Variants in DNAH10 observed in about 807,000 individuals in gnomAD.
DNAH10 encodes the protein dynein axonemal heavy chain 10.
Under a neutral mutation model 506.6 loss-of-function variants are expected in DNAH10, and 348 were observed. The observed-to-expected ratio is 0.69, with a 90% CI of 0.63 to 0.75. The LOEUF is 0.75. Ranked by LOEUF, DNAH10 falls within the 30% of genes least tolerant of loss-of-function variation. The pLI, the probability that DNAH10 is intolerant of heterozygous loss-of-function variation, is 0.00. For synonymous variants in DNAH10, 2,059 were observed against 2,198.6 expected (o/e 0.94, Z 1.78); for missense variants, 5,179 against 5,787.1 (o/e 0.89, Z 3.41).
Position 123,914,917 on chromosome 12 carries a change from C to A in DNAH10, c.10640C>A (p.Ala3547Asp). Residue 3547 changes from alanine (A) to aspartate (D), a missense_variant, in exon 62 of 79, where the codon GCC (alanine) becomes GAC (aspartate). Transcript: ENST00000673944. ...CAGAATGGCATCCTCACCACCCGGG[C>A]CAGCCGCTTCCCTCTGTGTATCGAC... The part of the protein sequence containing the change: ...SVQNGILTTR[A>D]SRFPLCIDPQ... 1.2e-6 allele frequency: 2 copies of A among 1,613,290 alleles called. No individual in the cohort carries two copies. The highest frequency in any genetic ancestry group is 1.7e-6 in the Non-Finnish European group (2 of 1,179,648).
At chr12:123,872,456 G>A (rs1006615650) in intron 45 of DNAH10, among the ~76,000 whole-genome samples, 1 of 152,136 alleles carries the variant, frequency 6.6e-6, no homozygotes, top group African/African-American at 2.4e-5. Flanking sequence ...TCTGCAGCTG[G>A]TGCTCATCAG....
intron 55 of DNAH10, 148 bp downstream of exon 55, chr12:123,898,115 C>A: frequency 1.3e-6 from 1 of 752,148 alleles, no homozygotes; most frequent in Non-Finnish European, 2.0e-6. Context: ...TGGAGCGATT[C>A]TTTCATGTGG....
intron 32 of DNAH10, among the ~76,000 whole-genome samples, chr12:123,847,381 G>A (rs564512048): frequency 6.9e-6 from 1 of 144,752 alleles, no homozygotes; most frequent in Non-Finnish European, 1.6e-5. Flanking sequence ...TTTATTATGA[G>A]GTATTGACTC....
chr12:123,847,266 C>CTAT lies in DNAH10; in HGVS notation c.5815-695_5815-694insTAT, dbSNP rs71445275. Among the ~76,000 whole-genome samples, 362 of 129,744 alleles carry CTAT rather than the reference C, an allele frequency of 2.8e-3. 2 individuals carry two copies. The highest frequency in any genetic ancestry group is 9.0e-3 in the African/African-American group (212 of 23,676). 85.1% of individuals were successfully genotyped at this position (129,744 alleles called of 152,430 possible). ...TCTATCTATCTATCTATCTATCTAT[C>CTAT]CATCCATCCATCCTGTCTATTTATC... On this transcript the variant is annotated intron_variant, in intron 32 of 78. Transcript: ENST00000673944.
intron 3 of DNAH10, 101 bp downstream of exon 3, chr12:123,771,799 T>A: frequency 9.7e-7 from 1 of 1,032,402 alleles, no homozygotes. Flanking sequence ...GGATTTATCA[T>A]GTTGGAATGG....
chr12:123,817,876 A>T (rs1959173696), intron 21 of DNAH10, among the ~76,000 whole-genome samples: 1 of 152,038 alleles, frequency 6.6e-6, no homozygotes. Flanking sequence ...CTAATCAGAG[A>T]TTAAGTTGAT....
At chr12:123,901,926 G>T (rs994205900) in intron 56 of DNAH10, among the ~76,000 whole-genome samples, 1 of 152,164 alleles carries the variant, frequency 6.6e-6, no homozygotes, top group Non-Finnish European at 1.5e-5. Flanking sequence ...CTCCCAAAGT[G>T]CTGGGATTAC....
chr12:123,918,941 G>T lies in DNAH10; in HGVS notation c.11498G>T (p.Gly3833Val). The stretch of plus-strand genomic sequence containing the variant: ...CTGACCTTCAGCATCTATAACCACG[G>T]CTGCACAGGTGAGCTCTCCCCACAG... ...DTLTFSIYNH[G>V]CTGLFERHKL... is the part of the protein sequence containing the mutation. Residue 3833 changes from glycine to valine, a missense_variant, in exon 65 of 79, where the codon GGC (glycine) becomes GTC (valine). Gly to Val is a moderately radical substitution (Grantham distance 109). This residue lies in a region of DNAH10 where 4,844 missense variants were observed against 5,430.5 expected (regional missense o/e 0.89). Transcript: ENST00000673944. 1 of 1,610,352 alleles carries T rather than the reference G, an allele frequency of 6.2e-7. No homozygotes were observed.
chr12:123,908,095 C>T (rs1426327137), intron 57 of DNAH10, among the ~76,000 whole-genome samples: 2 of 126,098 alleles, frequency 1.6e-5, no homozygotes, highest in Non-Finnish European at 3.4e-5. Flanking sequence ...TGTCTCCTCC[C>T]TGTCTCCCTG....
intron 16 of DNAH10, 150 bp from the exon 17 acceptor site, chr12:123,803,511 G>T (rs1958547280): frequency 2.8e-6 from 2 of 715,996 alleles, no homozygotes; most frequent in Non-Finnish European, 4.3e-6. Flanking sequence ...GTTCAAAGTG[G>T]ATCTTTGCCA....
rs765452968 is a variant in DNAH10 at position 123,916,723 on chromosome 12, G to A, written c.10989G>A (p.Val3663=). 3.5e-5 allele frequency: 56 copies of A among 1,610,806 alleles called. No homozygotes were observed. Among genetic ancestry groups the A allele is most frequent in the Middle Eastern group, 1.6e-4 (1 of 6,076 alleles). ...CATCCGTGTTTGGGAAAGCTATGGT[G>A]ATCAATTACACTGGTAAGAATGTGT... ...YSPSVFGKAM[V]INYTVTLKGL... is the part of the protein sequence containing the mutation. The change falls in exon 63 of 79, where the codon GTG becomes GTA. Residue 3663 remains valine (V), a synonymous_variant. Transcript: ENST00000673944. This position sits in a 1 kb window ranked among gnomAD's most constrained non-coding sequence, Gnocchi z 4.6.
chr12:123,773,052 A>G, intron 4 of DNAH10, 110 bp downstream of exon 4: 1 of 739,824 alleles, frequency 1.4e-6, no homozygotes, highest in South Asian at 1.9e-5. Context: ...ACCTATGCCA[A>G]GCTCTCTTTC....
Position 123,879,638 on chromosome 12 carries a change from A to G in DNAH10, c.8471A>G (p.Gln2824Arg). 2.5e-6 allele frequency: 4 copies of G among 1,614,024 alleles called. No individual in the cohort carries two copies. The highest frequency in any genetic ancestry group is 3.4e-6 in the Non-Finnish European group (4 of 1,179,882). ...LISETDKQLV[Q>R]QHIGSLVVEH... ...TAAGTGGGCTTCTGTTTCAAGGTACAACAGCACATAGGCAGCTTGGTTGTG... is the reference window on the plus strand; with the variant it reads ...TAAGTGGGCTTCTGTTTCAAGGTACGACAGCACATAGGCAGCTTGGTTGTG... The change falls in exon 50 of 79, where the codon CAA (glutamine) becomes CGA (arginine). Residue 2824 changes from glutamine (Q) to arginine (R), a missense_variant. Around this residue, in one of 3 missense-constraint regions of DNAH10, gnomAD observed 4,844 missense variants for 5,430.5 expected, o/e 0.89. Coordinates refer to ENST00000673944, the MANE Select transcript of DNAH10 (RefSeq NM_001372106.1).
chr12:123,829,271 A>C (rs1960288704), intron 25 of DNAH10, among the ~76,000 whole-genome samples: 1 of 152,158 alleles, frequency 6.6e-6, no homozygotes. Context: ...TTCACAGGAC[A>C]TAGGCACAGA....
chr12:123,822,163 C>T (rs1041198415), intron 24 of DNAH10, among the ~76,000 whole-genome samples: 19 of 152,108 alleles, frequency 1.2e-4, no homozygotes, highest in South Asian at 2.1e-4. Flanking sequence ...GCTGAGATTG[C>T]GCCACTGCAC....
Position 123,893,222 on chromosome 12 carries a change from TC to T in DNAH10, c.8996-9del, listed in dbSNP as rs1187838224. 6.2e-7 allele frequency: 1 copy of T among 1,613,418 alleles called. No homozygotes were observed. Among genetic ancestry groups the T allele is most frequent in the Non-Finnish European group, 8.5e-7 (1 of 1,179,598 alleles). On this transcript the variant is annotated splice_polypyrimidine_tract_variant and intron_variant, in intron 52 of 78. Coordinates refer to ENST00000673944, the MANE Select transcript of DNAH10 (RefSeq NM_001372106.1). Reference sequence around the variant, plus strand: ...ACTCAGAGAGATCACCAGCATGTCTTCCTTTTCCAGGAATTGTACCTGCGCT... The same window carrying T: ...ACTCAGAGAGATCACCAGCATGTCTTCTTTTCCAGGAATTGTACCTGCGCT...
At chr12:123,848,921 T>C (rs908646753) in intron 34 of DNAH10, 39 bp downstream of exon 34, 5 of 1,605,382 alleles carry the variant, frequency 3.1e-6, no homozygotes, top group Non-Finnish European at 4.3e-6. Context: ...GTCCCTAGGA[T>C]GGAAGTTTGC....
chr12:123,788,127 A>G, intron 10 of DNAH10, 125 bp downstream of exon 10: 1 of 1,120,322 alleles, frequency 8.9e-7, no homozygotes, highest in Non-Finnish European at 1.3e-6. Context: ...AAGCCCTTCA[A>G]AGAAAGAACC....
chr12:123,836,948 G>T (rs535949019), intron 28 of DNAH10, among the ~76,000 whole-genome samples: 1 of 127,624 alleles, frequency 7.8e-6, no homozygotes, highest in East Asian at 2.0e-4. Context: ...CACATCCTGG[G>T]TTCCGGCTGT....
Sources: allele counts gnomAD v4.1 joint callset (sites outside exome capture counted in the v4.1 genomes callset), GRCh38; gene constraint gnomAD v4.1.1; regional missense constraint gnomAD v4.1.1; non-coding constraint Gnocchi (gnomAD v3.1); transcripts MANE v1.5; gene names NCBI Gene and HGNC (gene_info 2026-07-23, HGNC 2026-07-21).